Variants in TMEM117 observed in about 807,000 individuals in gnomAD.
TMEM117 encodes transmembrane protein 117.
TMEM117 carries 27 observed loss-of-function variants against 52.4 expected under a neutral mutation model. The observed-to-expected ratio is 0.51, with a 90% CI of 0.38 to 0.71. TMEM117 has a LOEUF of 0.71. TMEM117 is among the 30% of genes least tolerant of loss of function. The pLI is 0.00. For missense variants in TMEM117, 556 were observed against 630.5 expected (o/e 0.88, Z 1.26); for synonymous variants, 215 against 206.3 (o/e 1.04, Z -0.36).
At chr12:44,177,127 G>A (rs1028364200) in intron 4 of TMEM117, among the ~76,000 whole-genome samples, 7 of 152,072 alleles carry the variant, frequency 4.6e-5, no homozygotes, top group African/African-American at 1.2e-4. Flanking sequence ...GTTTCATGTA[G>A]GGGCATTCAA....
intron 3 of TMEM117, among the ~76,000 whole-genome samples, chr12:44,035,004 T>A (rs951668879): frequency 6.6e-6 from 1 of 152,224 alleles, no homozygotes; most frequent in African/African-American, 2.4e-5. Flanking sequence ...TCATCTCATC[T>A]TCTCTGGTCC....
intron 3 of TMEM117, among the ~76,000 whole-genome samples, chr12:44,079,057 GGCT>G (rs1326142976): frequency 6.6e-6 from 1 of 151,904 alleles, no homozygotes; most frequent in Non-Finnish European, 1.5e-5. Flanking sequence ...CTTTTTTTAT[GGCT>G]GCATAGTATC....
At chr12:43,845,135 GA>G (rs1943180383) in intron 2 of TMEM117, among the ~76,000 whole-genome samples, 1 of 151,928 alleles carries the variant, frequency 6.6e-6, no homozygotes, top group African/African-American at 2.4e-5. Context: ...AAATTAGCAC[GA>G]GGTAAAATTA....
chr12:44,157,492 G>T (rs892726506), intron 4 of TMEM117, among the ~76,000 whole-genome samples: 3 of 151,838 alleles, frequency 2.0e-5, no homozygotes, highest in Non-Finnish European at 4.4e-5. Flanking sequence ...TCTTTTTATT[G>T]TTGCTCTAGT....
rs186471604 is a variant in TMEM117, at chr12:43,951,588, C to T, written c.410+7246C>T. On this transcript the variant is annotated intron_variant, in intron 3 of 7. Transcript: ENST00000266534. ...GATCCTTCCTCAGCAGGCAGGGCCT[C>T]CCTGTAGAAAGTCCACCAGCTCCAG... 4.6e-3 allele frequency among the ~76,000 whole-genome samples: 704 copies of T among 152,322 alleles called. 5 individuals carry two copies. Among genetic ancestry groups the T allele is most frequent in the African/African-American group, 0.016 (678 of 41,560 alleles).
chr12:44,228,721 G>T (rs1293649573), intron 5 of TMEM117, among the ~76,000 whole-genome samples: 4 of 152,200 alleles, frequency 2.6e-5, no homozygotes, highest in African/African-American at 9.6e-5. Context: ...CAAAGGCTCT[G>T]GGTGGGGATA....
intron 5 of TMEM117, among the ~76,000 whole-genome samples, chr12:44,236,202 A>C (rs1949994524): frequency 6.6e-6 from 1 of 151,884 alleles, no homozygotes; most frequent in Non-Finnish European, 1.5e-5. Context: ...AGAGAGAGAG[A>C]GAGAGCGCCA....
chr12:44,346,009 G>T (rs1362945526), intron 6 of TMEM117, among the ~76,000 whole-genome samples: 1 of 152,036 alleles, frequency 6.6e-6, no homozygotes, highest in Non-Finnish European at 1.5e-5. Flanking sequence ...TGAAGAAATT[G>T]TGATCTGTTA....
intron 4 of TMEM117, among the ~76,000 whole-genome samples, chr12:44,178,593 A>G (rs1349975042): frequency 6.6e-6 from 1 of 152,208 alleles, no homozygotes; most frequent in Admixed American, 6.5e-5. Flanking sequence ...CATTCTATCA[A>G]TTTCAAACCT....
chr12:43,996,202 A>G (rs1946027262), intron 3 of TMEM117, among the ~76,000 whole-genome samples: 1 of 152,258 alleles, frequency 6.6e-6, no homozygotes, highest in Non-Finnish European at 1.5e-5. Context: ...AGTAAACACT[A>G]TTAATGTTTT....
the TMEM117 span, among the ~76,000 whole-genome samples, chr12:43,807,956 T>C: frequency 1.3e-5 from 2 of 152,192 alleles, no homozygotes; most frequent in Admixed American, 6.5e-5. Context: ...ACAAATAATA[T>C]ATAATAGACT....
At chr12:43,891,088 A>G (rs1944094684) in intron 2 of TMEM117, among the ~76,000 whole-genome samples, 2 of 152,132 alleles carry the variant, frequency 1.3e-5, no homozygotes. Flanking sequence ...TTACTGACAG[A>G]TATGATACAA....
intron 6 of TMEM117, among the ~76,000 whole-genome samples, chr12:44,313,571 G>A (rs983454874): frequency 6.6e-6 from 1 of 152,156 alleles, no homozygotes; most frequent in Non-Finnish European, 1.5e-5. Flanking sequence ...TTTTTGCTTA[G>A]CATTGCTTTG....
chr12:43,921,312 A>G (rs1944690002), intron 2 of TMEM117, among the ~76,000 whole-genome samples: 1 of 152,228 alleles, frequency 6.6e-6, no homozygotes, highest in Non-Finnish European at 1.5e-5. Flanking sequence ...TATTTGGTGG[A>G]TGAAGGAAAG....
At chr12:43,898,093 T>G (rs1378856888) in intron 2 of TMEM117, among the ~76,000 whole-genome samples, 1 of 151,850 alleles carries the variant, frequency 6.6e-6, no homozygotes, top group Non-Finnish European at 1.5e-5. Flanking sequence ...AGTTTTAGCT[T>G]CTCTCCTAAT....
At chr12:43,863,362 C>T (rs914051287) in intron 2 of TMEM117, among the ~76,000 whole-genome samples, 9 of 152,242 alleles carry the variant, frequency 5.9e-5, no homozygotes, top group Non-Finnish European at 1.2e-4. Flanking sequence ...TTAGACTTGA[C>T]AGATCATGGT....
intron 3 of TMEM117, among the ~76,000 whole-genome samples, chr12:44,126,751 G>C (rs1291004920): frequency 6.6e-6 from 1 of 152,214 alleles, no homozygotes; most frequent in African/African-American, 2.4e-5. Context: ...TTCTCAAGAG[G>C]ATTTTAAAAT....
intron 6 of TMEM117, among the ~76,000 whole-genome samples, chr12:44,375,644 CAAATT>C (rs2138848418): frequency 6.6e-6 from 1 of 152,238 alleles, no homozygotes; most frequent in African/African-American, 2.4e-5. Flanking sequence ...ATCAAAATCT[CAAATT>C]AATATTTTGT....
intron 2 of TMEM117, among the ~76,000 whole-genome samples, chr12:43,898,395 TTAA>T (rs1219109905): frequency 2.0e-5 from 3 of 148,976 alleles, no homozygotes; most frequent in Admixed American, 6.7e-5. Flanking sequence ...TAATAATATA[TTAA>T]TAATTAATAA....
Sources: gnomAD v4.1 joint callset for allele counts (sites outside exome capture counted in the v4.1 genomes callset) on GRCh38, gnomAD v4.1.1 for gene constraint, MANE v1.5 for transcripts, NCBI Gene and HGNC (gene_info 2026-07-23, HGNC 2026-07-21) for gene names.